LRRC7: variants seen among roughly 807,000 people sequenced by gnomAD.
The protein encoded by LRRC7 is leucine rich repeat containing 7.
In LRRC7, 23 loss-of-function variants were observed where a neutral mutation model predicts 175.7. The ratio of observed to expected loss-of-function variants is 0.13; its 90% CI spans 0.09 to 0.19. LRRC7 has a LOEUF of 0.19. LRRC7 is among the 10% of genes least tolerant of loss of function. The pLI, the probability that LRRC7 is intolerant of heterozygous loss-of-function variation, is 1.00. For missense variants in LRRC7, 1,354 were observed against 1,904.7 expected, an observed-to-expected ratio of 0.71 and a Z score of 5.38; for synonymous variants, 685 against 680.9, an observed-to-expected ratio of 1.01 and a Z score of -0.09.
intron 8 of LRRC7, among the ~76,000 whole-genome samples, chr1:69,975,768 A>T (rs1652750101): frequency 6.6e-6 from 1 of 151,908 alleles, no homozygotes; most frequent in Admixed American, 6.6e-5. Flanking sequence ...GCCAACTTAC[A>T]CCCATACCAT....
At chr1:69,962,862 C>T (rs894717627) in intron 8 of LRRC7, among the ~76,000 whole-genome samples, 2 of 151,890 alleles carry the variant, frequency 1.3e-5, no homozygotes, top group African/African-American at 2.4e-5. Flanking sequence ...TCAGGAAAAA[C>T]GACTAACGGA....
At chr1:69,572,432 T>G (rs891269771) in intron 1 of LRRC7, among the ~76,000 whole-genome samples, 6 of 152,118 alleles carry the variant, frequency 3.9e-5, no homozygotes, top group African/African-American at 1.4e-4. Context: ...TTCACATATG[T>G]TTTAAAAAAC....
chr1:69,780,318 A>G (rs1200220913), intron 3 of LRRC7, among the ~76,000 whole-genome samples: 5 of 152,218 alleles, frequency 3.3e-5, no homozygotes, highest in Non-Finnish European at 7.3e-5. Context: ...TCTCTCTGCT[A>G]TAGTATTTAT....
intron 7 of LRRC7, among the ~76,000 whole-genome samples, chr1:69,851,149 G>T (rs1358198159): frequency 6.6e-6 from 1 of 152,134 alleles, no homozygotes; most frequent in Non-Finnish European, 1.5e-5. Context: ...GAAGGAAAAA[G>T]AAAACTAAGC....
At chr1:69,962,829 A>G (rs1651248829) in intron 8 of LRRC7, among the ~76,000 whole-genome samples, 1 of 152,204 alleles carries the variant, frequency 6.6e-6, no homozygotes. Flanking sequence ...ACTGGAGGAC[A>G]GAGGGTGGGA....
intron 14 of LRRC7, among the ~76,000 whole-genome samples, chr1:70,017,279 A>G (rs1268732197): frequency 6.6e-6 from 1 of 152,098 alleles, no homozygotes; most frequent in Non-Finnish European, 1.5e-5. Context: ...AAAAAAAAAA[A>G]AAGGAATTTG....
At chr1:69,637,631 T>A (rs1653594438) in intron 1 of LRRC7, among the ~76,000 whole-genome samples, 1 of 151,986 alleles carries the variant, frequency 6.6e-6, no homozygotes, top group Non-Finnish European at 1.5e-5. Context: ...CTCAGGGTTA[T>A]GAAATACACG....
intron 4 of LRRC7, among the ~76,000 whole-genome samples, chr1:69,806,695 T>C (rs1485987551): frequency 1.3e-5 from 2 of 151,996 alleles, no homozygotes; most frequent in African/African-American, 4.8e-5. Context: ...CATGGTTAAA[T>C]GAGTGTAATC....
chr1:69,990,453 A>G (rs917052566), intron 10 of LRRC7, among the ~76,000 whole-genome samples: 1 of 152,028 alleles, frequency 6.6e-6, no homozygotes, highest in Non-Finnish European at 1.5e-5. Context: ...AATTAATTAA[A>G]TTACTCAATT....
chr1:69,723,790 C>T (rs1318860601), intron 2 of LRRC7, among the ~76,000 whole-genome samples: 1 of 152,056 alleles, frequency 6.6e-6, no homozygotes, highest in Admixed American at 6.6e-5. Flanking sequence ...TCATCGGCAG[C>T]TGTGCTCTCA....
chr1:69,807,452 GT>G (rs779741707), intron 4 of LRRC7, among the ~76,000 whole-genome samples: 5 of 152,068 alleles, frequency 3.3e-5, no homozygotes, highest in Non-Finnish European at 7.4e-5. Flanking sequence ...TCCTTTCCAT[GT>G]TTAGTGCTTC....
chr1:69,792,343 C>G (rs924106425), intron 4 of LRRC7, among the ~76,000 whole-genome samples, 183 bp downstream of exon 4: 4 of 152,024 alleles, frequency 2.6e-5, no homozygotes, highest in Admixed American at 6.6e-5. Context: ...GTCTCTCCTC[C>G]TCTTACTAAT....
chr1:69,799,861 T>C (rs1676257767), intron 4 of LRRC7, among the ~76,000 whole-genome samples: 1 of 152,062 alleles, frequency 6.6e-6, no homozygotes, highest in African/African-American at 2.4e-5. Flanking sequence ...TTTCTTCTAG[T>C]ATTTTTATAG....
intron 1 of LRRC7, among the ~76,000 whole-genome samples, chr1:69,599,589 C>G (rs924517861): frequency 3.3e-5 from 5 of 152,166 alleles, no homozygotes; most frequent in African/African-American, 1.2e-4. Context: ...AAATTAGAAG[C>G]AACATACTAT....
intron 3 of LRRC7, among the ~76,000 whole-genome samples, chr1:69,781,203 A>G (rs1673442352): frequency 6.6e-6 from 1 of 152,000 alleles, no homozygotes; most frequent in African/African-American, 2.4e-5. Flanking sequence ...CTGTCAGTAG[A>G]TAGTTGTTGA....
intron 24 of LRRC7, among the ~76,000 whole-genome samples, chr1:70,077,449 A>G (rs1158811486): frequency 6.6e-6 from 1 of 152,178 alleles, no homozygotes; most frequent in Admixed American, 6.5e-5. Flanking sequence ...ACAATTTTAA[A>G]TTATGCTTTA....
intron 24 of LRRC7, among the ~76,000 whole-genome samples, chr1:70,077,405 G>T (rs1662864684): frequency 1.3e-5 from 2 of 152,062 alleles, no homozygotes; most frequent in South Asian, 4.1e-4. Flanking sequence ...ATGATATGGG[G>T]TTTTTAATTC....
At chr1:69,991,814 T>C (rs935887694) in intron 10 of LRRC7, among the ~76,000 whole-genome samples, 13 of 152,122 alleles carry the variant, frequency 8.5e-5, no homozygotes, top group Non-Finnish European at 1.6e-4. Context: ...TGGAATGATA[T>C]ACTCAACAAC....
chr1:69,858,666 C>A (rs1397599449), intron 7 of LRRC7, among the ~76,000 whole-genome samples: 2 of 152,048 alleles, frequency 1.3e-5, no homozygotes, highest in Non-Finnish European at 2.9e-5. Flanking sequence ...ACAGCAGGAT[C>A]CAGATGACAA....
Sources: gnomAD v4.1 joint callset for allele counts (sites outside exome capture counted in the v4.1 genomes callset) on GRCh38, gnomAD v4.1.1 for gene constraint, MANE v1.5 for transcripts, NCBI Gene and HGNC (gene_info 2026-07-23, HGNC 2026-07-21) for gene names.